SLC35F2: variants seen among roughly 807,000 people sequenced by gnomAD.
SLC35F2 encodes solute carrier family 35 member F2.
In SLC35F2, 25 loss-of-function variants were observed where a neutral mutation model predicts 38.1. The observed-to-expected ratio is 0.66, with a 90% CI of 0.48 to 0.92. The LOEUF is 0.92. SLC35F2 is among the 40% of genes least tolerant of loss of function. SLC35F2 has a pLI of 0.00. For synonymous variants in SLC35F2, 173 were observed against 181.7 expected (o/e 0.95, Z 0.38); for missense variants, 409 against 452.9 (o/e 0.90, Z 0.88).
At position 107,804,761 on chromosome 11, in the gene SLC35F2, C is replaced by T. The variant is rs1359130817; in HGVS notation, c.741G>A (p.Val247=). The T allele has an allele frequency of 6.2e-7, 1 of 1,605,178 alleles. No homozygotes were observed. The highest frequency in any genetic ancestry group is 1.7e-5 in the Admixed American group (1 of 58,026). ...TIISGIQLLI[V]EYKDIASIHW... is the part of the protein sequence containing the mutation. ...GAATGCTGGCAATATCCTTATATTC[C>T]ACAATCAATCTAAGATTAAAACAAG... Residue 247 remains valine (V), a synonymous_variant, in exon 6 of 8, where the codon GTG becomes GTA. Coordinates refer to ENST00000525815, the MANE Select transcript of SLC35F2 (RefSeq NM_017515.5).
chr11:107,837,209 G>A (rs1460422953), intron 1 of SLC35F2, among the ~76,000 whole-genome samples: 1 of 152,204 alleles, frequency 6.6e-6, no homozygotes, highest in Non-Finnish European at 1.5e-5. Flanking sequence ...AGACAGGGAA[G>A]TGCTAGCCAC....
intron 1 of SLC35F2, among the ~76,000 whole-genome samples, chr11:107,826,253 T>C (rs1488115646): frequency 6.6e-6 from 1 of 151,804 alleles, no homozygotes; most frequent in African/African-American, 2.4e-5. Context: ...TATAATTTGT[T>C]AATTTTTTAA....
At chr11:107,807,332 C>T (rs1859410699) in intron 3 of SLC35F2, among the ~76,000 whole-genome samples, 2 of 150,282 alleles carry the variant, frequency 1.3e-5, no homozygotes, top group African/African-American at 4.9e-5. Context: ...CTCCTGTAGT[C>T]CCAGCTACTT....
intron 1 of SLC35F2, among the ~76,000 whole-genome samples, chr11:107,824,945 A>G (rs146263363): frequency 6.6e-6 from 1 of 152,342 alleles, no homozygotes; most frequent in Admixed American, 6.5e-5. Flanking sequence ...GCAGCCATTG[A>G]GTGTTTGAAA....
chr11:107,825,428 G>A (rs955805298), intron 1 of SLC35F2, among the ~76,000 whole-genome samples: 2 of 145,132 alleles, frequency 1.4e-5, no homozygotes, highest in Non-Finnish European at 3.0e-5. Context: ...CTGGAGTCCA[G>A]TGGCACGATC....
At chr11:107,837,638 G>A (rs1859951623) in intron 1 of SLC35F2, among the ~76,000 whole-genome samples, 1 of 152,054 alleles carries the variant, frequency 6.6e-6, no homozygotes, top group South Asian at 2.1e-4. Flanking sequence ...AGGTAGCAGT[G>A]AGCTGGGATG....
chr11:107,843,871 ATATATAT>A (rs1860059597), intron 1 of SLC35F2, among the ~76,000 whole-genome samples: 209 of 39,638 alleles, frequency 5.3e-3, no homozygotes, highest in South Asian at 0.016. Flanking sequence ...AAAAAAAAAT[ATATATAT>A]ATATATATAT....
Position 107,804,957 on chromosome 11 carries a change from ATG to A in SLC35F2, c.732-189_732-188del, listed in dbSNP as rs1323653546. ...TAAAACCAAAGGAGTTCATAAAGAT[ATG>A]TTTGACTCCCTTACAGGTGCTCTGA... On this transcript the variant is annotated intron_variant, in intron 5 of 7. Transcript: ENST00000525815. The A allele has an allele frequency of 7.6e-6, 6 of 787,532 alleles. No homozygotes were observed. The African/African-American group carries it at 1.1e-4, about 15-fold the overall frequency. 48.8% of individuals were successfully genotyped at this position (787,532 alleles called of 1,614,324 possible). A position where few individuals can be genotyped will look rare whatever the true frequency, so the allele number is the denominator to read the frequency against.
At chr11:107,808,147 C>T (rs936940554) in intron 3 of SLC35F2, among the ~76,000 whole-genome samples, 2 of 152,174 alleles carry the variant, frequency 1.3e-5, no homozygotes, top group Non-Finnish European at 2.9e-5. Context: ...GACACCATCT[C>T]CCTGACAAAG....
intron 1 of SLC35F2, chr11:107,823,129 C>G (rs1397578910): frequency 1.0e-6 from 1 of 984,998 alleles, no homozygotes; most frequent in East Asian, 1.1e-4. Context: ...ACACTGACAA[C>G]AAGACCCCAG....
At chr11:107,812,952 AAC>A (rs1565431590) in intron 2 of SLC35F2, among the ~76,000 whole-genome samples, 1 of 152,220 alleles carries the variant, frequency 6.6e-6, no homozygotes, top group Non-Finnish European at 1.5e-5. Flanking sequence ...ACACTGAAGA[AAC>A]ACCTTTTATT....
intron 1 of SLC35F2, among the ~76,000 whole-genome samples, chr11:107,843,870 T>A (rs1191631539): frequency 0.047 from 1,048 of 22,374 alleles, 162 homozygotes; most frequent in African/African-American, 0.059. Context: ...AAAAAAAAAA[T>A]ATATATATAT....
chr11:107,806,634 A>T, intron 4 of SLC35F2, 83 bp downstream of exon 4: 1 of 1,319,896 alleles, frequency 7.6e-7, no homozygotes. Context: ...ATACTCCAGT[A>T]AACAAGTTTC....
At chr11:107,853,363 T>C (rs1268036755) in intron 1 of SLC35F2, among the ~76,000 whole-genome samples, 2 of 152,138 alleles carry the variant, frequency 1.3e-5, no homozygotes, top group African/African-American at 4.8e-5. Context: ...TCCTATTCGT[T>C]ATGGCCAAAG....
intron 7 of SLC35F2, among the ~76,000 whole-genome samples, chr11:107,797,570 TAAAAG>T (rs1317452327): frequency 6.6e-6 from 1 of 152,028 alleles, no homozygotes; most frequent in African/African-American, 2.4e-5. Context: ...CTCCCAAAGG[TAAAAG>T]AAAAAACTAA....
At chr11:107,837,363 G>C (rs1298214028) in intron 1 of SLC35F2, among the ~76,000 whole-genome samples, 1 of 151,984 alleles carries the variant, frequency 6.6e-6, no homozygotes, top group African/African-American at 2.4e-5. Flanking sequence ...TGATTCCAAA[G>C]CCTGTGTTCT....
At chr11:107,828,922 C>G (rs895479207) in intron 1 of SLC35F2, among the ~76,000 whole-genome samples, 6 of 151,922 alleles carry the variant, frequency 3.9e-5, no homozygotes, top group Admixed American at 3.9e-4. Flanking sequence ...GCCTGGCCAA[C>G]ATGGTGAAAC....
At chr11:107,834,527 G>C (rs1162072107) in intron 1 of SLC35F2, among the ~76,000 whole-genome samples, 1 of 152,118 alleles carries the variant, frequency 6.6e-6, no homozygotes, top group Non-Finnish European at 1.5e-5. Flanking sequence ...GCGCATGTCT[G>C]TAAACCCAGC....
At chr11:107,847,964 T>A (rs1047280608) in intron 1 of SLC35F2, among the ~76,000 whole-genome samples, 1 of 152,120 alleles carries the variant, frequency 6.6e-6, no homozygotes. Flanking sequence ...AAATGACAAG[T>A]GCCAAATGAT....
Sources: allele counts gnomAD v4.1 joint callset (sites outside exome capture counted in the v4.1 genomes callset), GRCh38; gene constraint gnomAD v4.1.1; transcripts MANE v1.5; gene names NCBI Gene and HGNC (gene_info 2026-07-23, HGNC 2026-07-21).